The following PRKN variants were observed in gnomAD, a reference collection of about 807,000 sequenced individuals.
The protein encoded by PRKN is E3 ubiquitin-protein ligase parkin.
Under a neutral mutation model 59.5 loss-of-function variants are expected in PRKN, and 56 were observed. The observed-to-expected ratio is 0.94, with a 90% confidence interval of 0.76 to 1.18. The LOEUF is 1.18. Among genes scored for constraint, PRKN ranks in the 50% most tolerant of loss-of-function variants. The probability of loss-of-function intolerance (pLI) is 0.00; values close to 1 mark genes in which losing one functional copy is unlikely to be tolerated. For synonymous variants in PRKN, 250 were observed against 222.1 expected, an observed-to-expected ratio of 1.13 and a Z score of -1.12; for missense variants, 657 against 596.4, an observed-to-expected ratio of 1.10 and a Z score of -1.06.
chr6:161,927,901 T>C (rs570415932), intron 6 of PRKN, among the ~76,000 whole-genome samples: 1 of 152,170 alleles, frequency 6.6e-6, no homozygotes. Context: ...AATCTGTATA[T>C]CATTGTTAAG....
At chr6:161,845,249 C>A (rs1793152254) in intron 6 of PRKN, among the ~76,000 whole-genome samples, 2 of 152,318 alleles carry the variant, frequency 1.3e-5, no homozygotes, top group South Asian at 4.1e-4. Flanking sequence ...AGCCCCTGGC[C>A]AGTAGCCTCT....
intron 1 of PRKN, among the ~76,000 whole-genome samples, chr6:162,665,457 C>G (rs1188617922): frequency 6.6e-6 from 1 of 151,884 alleles, no homozygotes; most frequent in Non-Finnish European, 1.5e-5. Context: ...AATAAAATAC[C>G]TAGGAACACA....
At chr6:161,495,072 A>G (rs1362337589) in intron 9 of PRKN, among the ~76,000 whole-genome samples, 1 of 152,224 alleles carries the variant, frequency 6.6e-6, no homozygotes, top group Non-Finnish European at 1.5e-5. Context: ...TTTTGATAAT[A>G]TATTTTATTT....
chr6:162,637,247 A>G (rs1464230543), intron 1 of PRKN, among the ~76,000 whole-genome samples: 1 of 149,686 alleles, frequency 6.7e-6, no homozygotes, highest in African/African-American at 2.5e-5. Flanking sequence ...ACAGTGCAAG[A>G]CTCCGTCTGC....
chr6:162,556,861 G>A (rs989347306), intron 1 of PRKN, among the ~76,000 whole-genome samples: 3 of 152,012 alleles, frequency 2.0e-5, no homozygotes, highest in African/African-American at 7.2e-5. Context: ...CAGCCCAGCA[G>A]AGGGCAAGGC....
At chr6:162,271,816 T>TA (rs1489637942) in intron 2 of PRKN, among the ~76,000 whole-genome samples, 1 of 152,154 alleles carries the variant, frequency 6.6e-6, no homozygotes, top group Non-Finnish European at 1.5e-5. Flanking sequence ...ATCCTTCATT[T>TA]AAAAAAAGGG....
chr6:161,760,819 G>A (rs751604643), intron 7 of PRKN, among the ~76,000 whole-genome samples: 1 of 152,184 alleles, frequency 6.6e-6, no homozygotes, highest in Non-Finnish European at 1.5e-5. Context: ...ATAATCAAGT[G>A]TTGCTGATGT....
chr6:161,613,637 C>G (rs1009629210), intron 7 of PRKN, among the ~76,000 whole-genome samples: 3 of 152,062 alleles, frequency 2.0e-5, no homozygotes, highest in Non-Finnish European at 4.4e-5. Context: ...GCCACAGCCA[C>G]GTCAAGCTTC....
At chr6:162,620,917 A>G (rs1483592666) in intron 1 of PRKN, among the ~76,000 whole-genome samples, 1 of 152,142 alleles carries the variant, frequency 6.6e-6, no homozygotes, top group Non-Finnish European at 1.5e-5. Context: ...ATAGAATTCT[A>G]TATTTAAATT....
chr6:162,058,436 T>C (rs1777955361), intron 4 of PRKN, among the ~76,000 whole-genome samples: 2 of 152,196 alleles, frequency 1.3e-5, no homozygotes, highest in African/African-American at 4.8e-5. Flanking sequence ...GCCAGATGCC[T>C]GTGCCAAGCT....
chr6:162,560,298 A>G (rs1023926200), intron 1 of PRKN, among the ~76,000 whole-genome samples: 5 of 152,222 alleles, frequency 3.3e-5, no homozygotes, highest in Non-Finnish European at 5.9e-5. Flanking sequence ...CTTTATGCTT[A>G]GGTTAAAAAT....
chr6:162,176,741 C>T (rs190690131), intron 4 of PRKN, among the ~76,000 whole-genome samples: 3 of 152,122 alleles, frequency 2.0e-5, no homozygotes, highest in Admixed American at 1.3e-4. Flanking sequence ...TAGACTAGAA[C>T]AATATACATG....
chr6:161,855,856 T>C (rs925856157), intron 6 of PRKN, among the ~76,000 whole-genome samples: 1 of 152,184 alleles, frequency 6.6e-6, no homozygotes, highest in Non-Finnish European at 1.5e-5. Flanking sequence ...GTAAATATTA[T>C]CTAACATAAG....
intron 6 of PRKN, among the ~76,000 whole-genome samples, chr6:161,902,579 C>G (rs1386942434): frequency 1.7e-4 from 6 of 34,424 alleles, no homozygotes; most frequent in Non-Finnish European, 1.7e-4. Flanking sequence ...TTTTTTTTTG[C>G]GACAGAGTCT....
intron 1 of PRKN, among the ~76,000 whole-genome samples, chr6:162,507,616 T>G (rs528883639): frequency 8.5e-5 from 13 of 152,310 alleles, no homozygotes; most frequent in African/African-American, 3.1e-4. Context: ...CTAGGTAAAT[T>G]AACTGATAGG....
Position 162,505,531 on chromosome 6 carries a change from C to A in PRKN, c.8-62058G>T, listed in dbSNP as rs141253759. Among the ~76,000 whole-genome samples, 4 of 152,270 alleles carry A rather than the reference C, an allele frequency of 2.6e-5. No individual in the cohort carries two copies. The East Asian group carries it at 7.7e-4, about 29-fold the overall frequency. ...TCCGTGTTTTAACAAGCTCCCTTCC[C>A]CCATGTCAGGTTGAGAGCAGTTATA... On this transcript the variant is annotated intron_variant, in intron 1 of 11. Transcript: ENST00000366898.
chr6:162,620,654 C>T (rs2846525), intron 1 of PRKN, among the ~76,000 whole-genome samples: 123,107 of 152,160 alleles, frequency 0.81, 50,000 homozygotes, highest in East Asian at 0.95. Context: ...GCTATCACTT[C>T]TCCTGTATAT....
intron 3 of PRKN, among the ~76,000 whole-genome samples, chr6:162,206,647 T>A (rs1784953132): frequency 1.3e-5 from 2 of 152,170 alleles, no homozygotes; most frequent in African/African-American, 4.8e-5. Flanking sequence ...TCAGTTCTGG[T>A]GGAGCCCTGG....
chr6:162,246,948 G>A (rs771435349), intron 3 of PRKN, among the ~76,000 whole-genome samples: 37 of 151,986 alleles, frequency 2.4e-4, no homozygotes, highest in Non-Finnish European at 5.0e-4. Flanking sequence ...TTGTATTAAG[G>A]CTGAAAACAA....
Sources: gnomAD v4.1 joint callset for allele counts (sites outside exome capture counted in the v4.1 genomes callset) on GRCh38, gnomAD v4.1.1 for gene constraint, MANE v1.5 for transcripts, NCBI Gene and HGNC (gene_info 2026-07-23, HGNC 2026-07-21) for gene names.